Variants in PITPNC1 observed in about 807,000 individuals in gnomAD.
The protein encoded by PITPNC1 is phosphatidylinositol transfer protein cytoplasmic 1.
PITPNC1 carries 18 observed loss-of-function variants against 44.7 expected under a neutral mutation model. That is an observed-to-expected ratio of 0.40 (90% CI 0.28 to 0.60). The LOEUF (loss-of-function observed/expected upper bound fraction) is 0.60. Among genes scored for constraint, PITPNC1 ranks in the 20% least tolerant of loss-of-function variants. The pLI, the probability that PITPNC1 is intolerant of heterozygous loss-of-function variation, is 0.39. For missense variants in PITPNC1, 290 were observed against 418.4 expected, an observed-to-expected ratio of 0.69 and a Z score of 2.68; for synonymous variants, 141 against 149.6, an observed-to-expected ratio of 0.94 and a Z score of 0.42.
chr17:67,441,327 C>A (rs1309002957), intron 1 of PITPNC1, among the ~76,000 whole-genome samples: 1 of 149,462 alleles, frequency 6.7e-6, no homozygotes, highest in African/African-American at 2.5e-5. Context: ...GTCTCAAACG[C>A]ATTTCCCACA....
chr17:67,544,010 C>T (rs145137080), intron 2 of PITPNC1, among the ~76,000 whole-genome samples: 52 of 152,254 alleles, frequency 3.4e-4, no homozygotes, highest in Middle Eastern at 3.4e-3. Flanking sequence ...GCTACCACGC[C>T]GGGCTAATTT....
chr17:67,595,943 G>T (rs1184698811), intron 5 of PITPNC1, among the ~76,000 whole-genome samples: 2 of 152,146 alleles, frequency 1.3e-5, no homozygotes, highest in Admixed American at 1.3e-4. Flanking sequence ...ATGCCGATCA[G>T]ATGATAATAA....
intron 1 of PITPNC1, among the ~76,000 whole-genome samples, chr17:67,501,967 T>C (rs1462237978): frequency 6.6e-6 from 1 of 152,256 alleles, no homozygotes; most frequent in African/African-American, 2.4e-5. Flanking sequence ...ATAATTACAC[T>C]GACCTATTAG....
chr17:67,541,872 C>T (rs191699188), intron 2 of PITPNC1, among the ~76,000 whole-genome samples: 5 of 152,300 alleles, frequency 3.3e-5, no homozygotes, highest in Admixed American at 2.0e-4. Flanking sequence ...AGAAAGACTT[C>T]GGCTCAGGTT....
At chr17:67,604,837 T>G (rs1341055924) in intron 5 of PITPNC1, among the ~76,000 whole-genome samples, 2 of 152,010 alleles carry the variant, frequency 1.3e-5, no homozygotes, top group East Asian at 3.9e-4. Context: ...CCCAGCACTT[T>G]GGGAGGCTGA....
At chr17:67,474,968 C>T (rs973303054) in intron 1 of PITPNC1, among the ~76,000 whole-genome samples, 15 of 152,286 alleles carry the variant, frequency 9.8e-5, no homozygotes, top group East Asian at 7.7e-4. Flanking sequence ...GGATTCTTGA[C>T]CATTACTTTG....
intron 1 of PITPNC1, among the ~76,000 whole-genome samples, chr17:67,384,407 C>A (rs1248629922): frequency 6.6e-6 from 1 of 151,110 alleles, no homozygotes; most frequent in African/African-American, 2.4e-5. Context: ...TGCCAAAATG[C>A]CCAACAGTGT....
At chr17:67,675,933 G>A (rs1433508833) in intron 8 of PITPNC1, among the ~76,000 whole-genome samples, 2 of 152,180 alleles carry the variant, frequency 1.3e-5, no homozygotes, top group Admixed American at 6.5e-5. Flanking sequence ...CTTGCCGGGC[G>A]CAGTGGCTCA....
At chr17:67,460,807 C>T (rs1208693065) in intron 1 of PITPNC1, among the ~76,000 whole-genome samples, 2 of 147,060 alleles carry the variant, frequency 1.4e-5, no homozygotes, top group African/African-American at 2.5e-5. Context: ...TGCAGCGGCG[C>T]GACGGTGGCT....
intron 1 of PITPNC1, among the ~76,000 whole-genome samples, chr17:67,407,820 A>G (rs1300993370): frequency 6.6e-6 from 1 of 152,160 alleles, no homozygotes; most frequent in African/African-American, 2.4e-5. Flanking sequence ...AAACAAAAAA[A>G]ACTAAAATAA....
At chr17:67,420,222 G>A (rs917847260) in intron 1 of PITPNC1, among the ~76,000 whole-genome samples, 1 of 152,088 alleles carries the variant, frequency 6.6e-6, no homozygotes, top group African/African-American at 2.4e-5. Flanking sequence ...CTCCAGTGCA[G>A]GGTTCTCAGG....
intron 1 of PITPNC1, among the ~76,000 whole-genome samples, chr17:67,425,187 GCGCGCGCACGCACACGCA>G (rs2038732363): frequency 2.7e-5 from 1 of 36,438 alleles, no homozygotes; most frequent in South Asian, 6.6e-4. Flanking sequence ...GCCATGTTGT[GCGCGCGCACGCACACGCA>G]CACACACACA....
intron 4 of PITPNC1, among the ~76,000 whole-genome samples, chr17:67,572,684 G>A (rs1387018188): frequency 3.3e-5 from 5 of 151,470 alleles, no homozygotes; most frequent in South Asian, 2.1e-4. Context: ...TAATCATTCC[G>A]AAGTGGTACT....
intron 5 of PITPNC1, among the ~76,000 whole-genome samples, chr17:67,620,170 C>T (rs2041811799): frequency 6.6e-6 from 1 of 152,170 alleles, no homozygotes; most frequent in Non-Finnish European, 1.5e-5. Context: ...CCTCCTGCCT[C>T]AGCCTCCCAA....
chr17:67,504,291 A>G (rs6504513), intron 1 of PITPNC1, among the ~76,000 whole-genome samples: 11,498 of 152,210 alleles, frequency 0.076, 513 homozygotes, highest in African/African-American at 0.13. Flanking sequence ...TCTGCCTTGA[A>G]GTCTAGAGCA....
At chr17:67,691,099 T>A (rs2042919256) in intron 8 of PITPNC1, among the ~76,000 whole-genome samples, 2 of 100,212 alleles carry the variant, frequency 2.0e-5, no homozygotes, top group Admixed American at 2.3e-4. Flanking sequence ...CAAGACTCTA[T>A]CTCAAATAAA....
At chr17:67,462,982 G>A (rs2039365143) in intron 1 of PITPNC1, among the ~76,000 whole-genome samples, 2 of 152,334 alleles carry the variant, frequency 1.3e-5, no homozygotes, top group Admixed American at 6.5e-5. Context: ...GATTACAGGC[G>A]TGAGCCGCCG....
chr17:67,469,007 G>A (rs1463242569), intron 1 of PITPNC1, among the ~76,000 whole-genome samples: 1 of 152,200 alleles, frequency 6.6e-6, no homozygotes, highest in East Asian at 1.9e-4. Flanking sequence ...GCAATTACAG[G>A]AGTCAGCCAC....
chr17:67,446,672 A>G (rs779489880), intron 1 of PITPNC1, among the ~76,000 whole-genome samples: 1 of 151,778 alleles, frequency 6.6e-6, no homozygotes, highest in Non-Finnish European at 1.5e-5. Context: ...AAACTCCTGC[A>G]CCCCAAGTCC....
Sources: gnomAD v4.1 joint callset for allele counts (sites outside exome capture counted in the v4.1 genomes callset) on GRCh38, gnomAD v4.1.1 for gene constraint, MANE v1.5 for transcripts, NCBI Gene and HGNC (gene_info 2026-07-23, HGNC 2026-07-21) for gene names.